The following WDR17 variants were observed in gnomAD, a reference collection of about 807,000 sequenced individuals.
The protein encoded by WDR17 is WD repeat-containing protein 17.
In WDR17, 143 loss-of-function variants were observed where a neutral mutation model predicts 161.7. The ratio of observed to expected loss-of-function variants is 0.88; its 90% CI spans 0.77 to 1.02. The LOEUF (loss-of-function observed/expected upper bound fraction) is 1.02, where lower values mean the gene tolerates loss of function less well. Among genes scored for constraint, WDR17 ranks in the 50% least tolerant of loss-of-function variants. The pLI is 0.00. For missense variants in WDR17, 1,469 were observed against 1,520.9 expected, an observed-to-expected ratio of 0.97 and a Z score of 0.57; for synonymous variants, 517 against 515.6, an observed-to-expected ratio of 1.00 and a Z score of -0.04.
chr4:176,076,977 A>G (rs1239246904), intron 1 of WDR17, among the ~76,000 whole-genome samples: 1 of 152,098 alleles, frequency 6.6e-6, no homozygotes, highest in Non-Finnish European at 1.5e-5. Flanking sequence ...CAGACTTTCT[A>G]TTATGTAGTA....
chr4:176,085,063 C>T (rs181271445), intron 1 of WDR17, among the ~76,000 whole-genome samples: 167 of 151,854 alleles, frequency 1.1e-3, no homozygotes, highest in Middle Eastern at 3.4e-3. Context: ...TTTTGCAAGA[C>T]TCCCTTGGCT....
intron 22 of WDR17, among the ~76,000 whole-genome samples, chr4:176,167,328 G>A (rs1188890028): frequency 1.3e-5 from 2 of 152,104 alleles, no homozygotes; most frequent in Non-Finnish European, 2.9e-5. Flanking sequence ...CACCTCTTCT[G>A]TATGGCTATA....
At chr4:176,095,357 C>G (rs550180262) in intron 1 of WDR17, among the ~76,000 whole-genome samples, 2 of 152,248 alleles carry the variant, frequency 1.3e-5, no homozygotes, top group South Asian at 2.1e-4. Context: ...TTTGCCAGTC[C>G]TGGAGCTTGT....
At chr4:176,077,909 A>G (rs1271720378) in intron 1 of WDR17, among the ~76,000 whole-genome samples, 2 of 152,100 alleles carry the variant, frequency 1.3e-5, no homozygotes, top group African/African-American at 4.8e-5. Flanking sequence ...TTCTTTTTCT[A>G]GTAGTGCCCA....
chr4:176,163,436 T>C, intron 22 of WDR17, 143 bp downstream of exon 22: 1 of 1,021,020 alleles, frequency 9.8e-7, no homozygotes, highest in East Asian at 2.7e-5. Context: ...AAGGAAATAA[T>C]GATATAACAA....
At position 176,180,952 on chromosome 4, in the gene WDR17, T is replaced by A. The variant is rs1752099147; in HGVS notation, c.*1373T>A. The A allele has an allele frequency of 6.6e-6, 1 of 152,184 alleles. No homozygotes were observed. The highest frequency in any genetic ancestry group is 2.4e-5 in the African/African-American group (1 of 41,442). The allele number at this position is 152,184 out of a possible 1,614,324, so 9.4% of individuals were successfully genotyped here. A position where few individuals can be genotyped will look rare whatever the true frequency, so the allele number is the denominator to read the frequency against. On this transcript the variant is annotated 3_prime_UTR_variant, in exon 29 of 29. Coordinates refer to ENST00000508596, the MANE Select transcript of WDR17 (RefSeq NM_181265.4). Reference sequence around the variant, plus strand: ...TACTGGAAGTACTTTGATACTCAAGTTGTTTCACAAGATTTATAATATAGA... The same window carrying A: ...TACTGGAAGTACTTTGATACTCAAGATGTTTCACAAGATTTATAATATAGA...
chr4:176,111,526 T>A (rs1267151589), intron 1 of WDR17, 49 bp from the exon 2 acceptor site: 1 of 1,575,210 alleles, frequency 6.3e-7, no homozygotes, highest in South Asian at 1.2e-5. Context: ...AATGAGGAAG[T>A]TTATCAATAA....
chr4:176,096,472 A>G (rs763400554), intron 1 of WDR17: 40 of 1,499,998 alleles, frequency 2.7e-5, no homozygotes, highest in Non-Finnish European at 3.6e-5. Flanking sequence ...GGTGCTGACT[A>G]TTCTGATGCC....
chr4:176,138,676 C>T (rs776014518), intron 9 of WDR17, among the ~76,000 whole-genome samples: 18 of 151,722 alleles, frequency 1.2e-4, no homozygotes, highest in Non-Finnish European at 1.6e-4. Context: ...TATCTTTACT[C>T]ATTAGATCAG....
chr4:176,149,254 CT>C (rs1005747544), intron 13 of WDR17, among the ~76,000 whole-genome samples: 13 of 151,536 alleles, frequency 8.6e-5, no homozygotes, highest in African/African-American at 2.9e-4. Context: ...TTCTTTCTTT[CT>C]TTTTTTTATT....
chr4:176,130,712 TCCAGC>T (rs1743290261), intron 6 of WDR17, among the ~76,000 whole-genome samples: 1 of 140,446 alleles, frequency 7.1e-6, no homozygotes, highest in Non-Finnish European at 1.5e-5. Flanking sequence ...GCCACAGCAC[TCCAGC>T]CCGGGCAACA....
At position 176,135,155 on chromosome 4, in the gene WDR17, T is replaced by G. The variant is rs1245968024; in HGVS notation, c.1146T>G (p.Pro382=). ...ACTGCAAATTCAAACCTGACGATCC[T>G]AATCTTTTAGCAACAGCTTCATTTG... ...IFDCKFKPDD[P]NLLATASFDG... Residue 382 remains proline (P), a synonymous_variant, in exon 8 of 29, where the codon CCT becomes CCG. Transcript: ENST00000508596. 1 of 1,612,348 alleles carries G rather than the reference T, an allele frequency of 6.2e-7. No individual in the cohort carries two copies. The highest frequency in any genetic ancestry group is 1.1e-5 in the South Asian group (1 of 91,018).
intron 17 of WDR17, among the ~76,000 whole-genome samples, chr4:176,153,630 A>T (rs1236875843): frequency 1.3e-5 from 2 of 152,220 alleles, no homozygotes; most frequent in African/African-American, 4.8e-5. Flanking sequence ...CTCATAGCTT[A>T]TCATCTTTTA....
At position 176,172,492 on chromosome 4, in the gene WDR17, C is replaced by T. The variant is rs978618960; in HGVS notation, c.3220C>T (p.Pro1074Ser). The stretch of plus-strand genomic sequence containing the variant: ...AAGTCAAGAACCTGAAAAAGCCCTT[C>T]CTATTGGTATTAGCTTTGTTAAAGG... ...LLSQEPEKAL[P>S]IGISFVKEYI... The change falls in exon 24 of 29, where the codon CCT becomes TCT. Residue 1074 changes from proline to serine, a missense_variant. Coordinates refer to ENST00000508596, the MANE Select transcript of WDR17 (RefSeq NM_181265.4). The T allele has an allele frequency of 1.2e-6, 2 of 1,602,090 alleles. No homozygotes were observed. The highest frequency in any genetic ancestry group is 1.7e-6 in the Non-Finnish European group (2 of 1,176,926).
intron 1 of WDR17, among the ~76,000 whole-genome samples, chr4:176,076,784 A>G (rs547203415): frequency 2.0e-4 from 30 of 152,006 alleles, no homozygotes; most frequent in African/African-American, 7.2e-4. Context: ...CCTGAATGAG[A>G]GGCGGCCCAT....
At chr4:176,123,289 C>T (rs1262685510) in intron 4 of WDR17, among the ~76,000 whole-genome samples, 1 of 152,140 alleles carries the variant, frequency 6.6e-6, no homozygotes, top group Non-Finnish European at 1.5e-5. Context: ...AGTTCTGACA[C>T]TAGATGTGTG....
chr4:176,149,975 TATTA>T lies in WDR17; in HGVS notation c.2047+20_2047+23del. On this transcript the variant is annotated intron_variant, in intron 14 of 28. Coordinates refer to ENST00000508596, the MANE Select transcript of WDR17 (RefSeq NM_181265.4). ...AACACTGGTATGGAACATATACATG[TATTA>T]GAGTTTATTTCTAAATAAGTTTTAT... 6.2e-7 allele frequency: 1 copy of T among 1,610,302 alleles called. No individual in the cohort carries two copies. The highest frequency in any genetic ancestry group is 8.5e-7 in the Non-Finnish European group (1 of 1,178,958).
At position 176,168,800 on chromosome 4, in the gene WDR17, A is replaced by G. The variant is rs1370717142; in HGVS notation, c.3102+17A>G. 3.1e-6 allele frequency: 5 copies of G among 1,603,106 alleles called. No individual in the cohort carries two copies. In the African/African-American group the frequency reaches 6.7e-5, roughly 22 times the overall value. ...CATGATAAGGTATGCTGATGATGTT[A>G]AATATTCTGGTTTGGAATGCAGTGC... On this transcript the variant is annotated intron_variant, in intron 23 of 28. Coordinates refer to ENST00000508596, the MANE Select transcript of WDR17 (RefSeq NM_181265.4).
intron 28 of WDR17, 133 bp from the exon 29 acceptor site, chr4:176,179,327 A>T: frequency 9.7e-7 from 1 of 1,030,932 alleles, no homozygotes; most frequent in Non-Finnish European, 1.3e-6. Context: ...ATTTTCTCAT[A>T]GTCTTCATTT....
Sources: gnomAD v4.1 joint callset for allele counts (sites outside exome capture counted in the v4.1 genomes callset) on GRCh38, gnomAD v4.1.1 for gene constraint, MANE v1.5 for transcripts, NCBI Gene and HGNC (gene_info 2026-07-23, HGNC 2026-07-21) for gene names.